ING1: variants seen among roughly 807,000 people sequenced by gnomAD.
The protein encoded by ING1 is inhibitor of growth protein 1.
In ING1, 4 loss-of-function variants were observed where a neutral mutation model predicts 23.1. That is an observed-to-expected ratio of 0.17 (90% CI 0.09 to 0.40). The LOEUF is 0.40. Ranked by LOEUF, ING1 falls within the 10% of genes least tolerant of loss-of-function variation. The pLI, the probability that ING1 is intolerant of heterozygous loss-of-function variation, is 1.00. For missense variants in ING1, 256 were observed against 393.8 expected, an observed-to-expected ratio of 0.65 and a Z score of 2.96; for synonymous variants, 179 against 166.4, an observed-to-expected ratio of 1.08 and a Z score of -0.58.
At chr13:110,712,910 C>T (rs763227180), upstream of ING1, 1 of 1,536,126 alleles carries the variant, frequency 6.5e-7, no homozygotes, top group Non-Finnish European at 8.8e-7. Flanking sequence ...AAAGGGAGGG[C>T]GGTGACGGAT....
chr13:110,712,887 C>T (rs775112565), upstream of ING1: 7 of 1,423,982 alleles, frequency 4.9e-6, no homozygotes, highest in South Asian at 4.9e-5. Flanking sequence ...AACTGAGTAC[C>T]GGGAGACGAC....
chr13:110,718,109 A>G (rs780623389), intron 1 of ING1, among the ~76,000 whole-genome samples: 2 of 152,246 alleles, frequency 1.3e-5, no homozygotes, highest in African/African-American at 4.8e-5. Context: ...ACATTTAAAT[A>G]CTGAAGAGGT....
rs1425864605 is a variant in ING1, at chr13:110,720,650, G to GGAAGT, written c.*720_*724dup. 2 of 167,172 alleles carry GGAAGT rather than the reference G, an allele frequency of 1.2e-5. No homozygotes were observed. The highest frequency in any genetic ancestry group is 4.8e-5 in the African/African-American group (2 of 41,566). The allele number at this position is 167,172 out of a possible 1,614,324, so 10.4% of individuals were successfully genotyped here. ...AACTTGCACTTGTTATATTATAATT[G>GGAAGT]GAAGTGCAGTCAGCAGATGCTGTTG... On this transcript the variant is annotated 3_prime_UTR_variant, in exon 2 of 2. Transcript: ENST00000333219.
rs56258926 is a variant in ING1 at position 110,719,019 on chromosome 13, T to TTTGTGTTGTGTTGTGTTGTGTTGTG, written c.137-199_137-175dup. 9.3e-4 allele frequency among the ~76,000 whole-genome samples: 138 copies of TTTGTGTTGTGTTGTGTTGTGTTGTG among 148,554 alleles called. No homozygotes were observed. The highest frequency in any genetic ancestry group is 3.2e-3 in the African/African-American group (126 of 39,912). The stretch of plus-strand genomic sequence containing the variant: ...TGCCGCTGTGGAAGCTGGGCCGGCA[T>TTTGTGTTGTGTTGTGTTGTGTTGTG]TTGTGTTGTGTTGTGTTGTGTTGTG... On this transcript the variant is annotated intron_variant, in intron 1 of 1. Coordinates refer to ENST00000333219, the MANE Select transcript of ING1 (RefSeq NM_198219.3). This position sits in a 1 kb window ranked among gnomAD's most constrained non-coding sequence, Gnocchi z 8.9.
chr13:110,713,009 T>C, upstream of ING1: 1 of 1,532,192 alleles, frequency 6.5e-7, no homozygotes, highest in Non-Finnish European at 8.8e-7. Flanking sequence ...CGGCCGCAGC[T>C]CAAAGGACAC....
At chr13:110,714,413 C>A in intron 1 of ING1, 128 bp downstream of exon 1, 1 of 893,850 alleles carries the variant, frequency 1.1e-6, no homozygotes, top group Non-Finnish European at 1.5e-6. Context: ...CGGCCCTCGG[C>A]AGGGGCAGGA....
Position 110,714,181 on chromosome 13 carries a change from A to G in ING1, c.32A>G (p.His11Arg), listed in dbSNP as rs764386790. 1 of 1,558,314 alleles carries G rather than the reference A, an allele frequency of 6.4e-7. No individual in the cohort carries two copies. The highest frequency in any genetic ancestry group is 1.2e-5 in the South Asian group (1 of 85,102). The stretch of plus-strand genomic sequence containing the variant: ...AGTCCTGCCAACGGGGAGCAGCTCC[A>G]CCTGGTGAACTATGTGGAGGACTAC... Reference protein sequence around the residue: MLSPANGEQLHLVNYVEDYLD... With the variant: MLSPANGEQLRLVNYVEDYLD... Residue 11 changes from histidine to arginine, a missense_variant, in exon 1 of 2, where the codon CAC (histidine) becomes CGC (arginine). Transcript: ENST00000333219.
Position 110,719,510 on chromosome 13 carries a change from G to T in ING1, c.418G>T (p.Ala140Ser), listed in dbSNP as rs770708003. 3.1e-6 allele frequency: 5 copies of T among 1,611,568 alleles called. No individual in the cohort carries two copies. The South Asian group carries it at 3.3e-5, about 11-fold the overall frequency. ...GADRPKGEAA[A>S]QADKPNSKRS... ...GGACAGGCCCAAAGGCGAGGCGGCA[G>T]CGCAGGCTGACAAGCCCAACAGCAA... The change falls in exon 2 of 2, where the codon GCG becomes TCG. Residue 140 changes from alanine (A) to serine (S), a missense_variant. By Grantham distance (99) the Ala-to-Ser change is moderately conservative. Transcript: ENST00000333219. This position sits in a 1 kb window ranked among gnomAD's most constrained non-coding sequence, Gnocchi z 8.9.
upstream of ING1, chr13:110,713,146 G>C (rs2064056736): frequency 7.0e-7 from 1 of 1,430,334 alleles, no homozygotes; most frequent in Admixed American, 2.9e-5. Context: ...CGGTCTCCCC[G>C]CCTCCTCTTC....
chr13:110,712,829 C>T (rs950871784), upstream of ING1: 4 of 943,816 alleles, frequency 4.2e-6, no homozygotes, highest in African/African-American at 4.8e-5. Flanking sequence ...GGGCTCGGCA[C>T]TAGGAAGCAG....
At chr13:110,714,600 C>T (rs1204391635) in intron 1 of ING1, among the ~76,000 whole-genome samples, 1 of 152,140 alleles carries the variant, frequency 6.6e-6, no homozygotes, top group African/African-American at 2.4e-5. Context: ...AAGCCGCGTC[C>T]TCTAGGAGGG....
intron 1 of ING1, among the ~76,000 whole-genome samples, chr13:110,718,665 T>C (rs1481576984): frequency 6.6e-6 from 1 of 152,084 alleles, no homozygotes; most frequent in African/African-American, 2.4e-5. Flanking sequence ...GATGTTGGTA[T>C]ATTAAAATAA....
In ING1 at chr13:110,714,157, G is replaced by A. The variant is rs1474680877; in HGVS notation, c.8G>A (p.Ser3Asn). The A allele has an allele frequency of 6.5e-7, 1 of 1,549,040 alleles. No homozygotes were observed. Among genetic ancestry groups the A allele is most frequent in the Admixed American group, 1.9e-5 (1 of 51,790 alleles). The stretch of plus-strand genomic sequence containing the variant: ...GGACCTCCGGGGTGAACCATGTTGA[G>A]TCCTGCCAACGGGGAGCAGCTCCAC... ML[S>N]PANGEQLHLV... Residue 3 changes from serine to asparagine, a missense_variant, in exon 1 of 2, where the codon AGT (serine) becomes AAT (asparagine). This residue lies in a region of ING1 where 209 missense variants were observed against 273.8 expected (regional missense o/e 0.76). Transcript: ENST00000333219.
chr13:110,716,368 C>G (rs1781503329), intron 1 of ING1, among the ~76,000 whole-genome samples: 1 of 152,120 alleles, frequency 6.6e-6, no homozygotes, highest in African/African-American at 2.4e-5. Context: ...CTGGGAGCGC[C>G]GAGAAGCGAG....
At chr13:110,715,549 TG>T in intron 1 of ING1, 1 of 1,614,174 alleles carries the variant, frequency 6.2e-7, no homozygotes, top group Non-Finnish European at 8.5e-7. Context: ...GTGTTTCCGC[TG>T]TCTTCTTTTT....
chr13:110,716,219 C>T (rs1201098055), intron 1 of ING1, among the ~76,000 whole-genome samples: 2 of 152,208 alleles, frequency 1.3e-5, no homozygotes, highest in Non-Finnish European at 2.9e-5. Flanking sequence ...CAGCAAAGTT[C>T]ATGGAGCCAC....
At position 110,719,500 on chromosome 13, in the gene ING1, C is replaced by T. The variant is rs147147802; in HGVS notation, c.408C>T (p.Gly136=). ...SGKAGADRPK[G]EAAAQADKPN... is the part of the protein sequence containing the mutation. Reference sequence around the variant, plus strand: ...AGGCTGGCGCGGACAGGCCCAAAGGCGAGGCGGCAGCGCAGGCTGACAAGC... The same window carrying T: ...AGGCTGGCGCGGACAGGCCCAAAGGTGAGGCGGCAGCGCAGGCTGACAAGC... Residue 136 remains glycine, a synonymous_variant, in exon 2 of 2, where the codon GGC becomes GGT. Transcript: ENST00000333219. This position sits in a 1 kb window ranked among gnomAD's most constrained non-coding sequence, Gnocchi z 8.9. 148 of 1,611,916 alleles carry T rather than the reference C, an allele frequency of 9.2e-5. No homozygotes were observed. The African/African-American group carries it at 1.3e-3, about 14-fold the overall frequency.
At chr13:110,717,958 T>G (rs2064138362) in intron 1 of ING1, among the ~76,000 whole-genome samples, 2 of 152,248 alleles carry the variant, frequency 1.3e-5, no homozygotes, top group African/African-American at 4.8e-5. Flanking sequence ...TTCTGTGTAT[T>G]TAAGTAGCCT....
chr13:110,714,381 G>A, intron 1 of ING1, 96 bp downstream of exon 1: 3 of 1,168,226 alleles, frequency 2.6e-6, no homozygotes, highest in Non-Finnish European at 3.3e-6. Context: ...TGGACCGGAG[G>A]AAGCGGCCGG....
Sources: allele counts gnomAD v4.1 joint callset (sites outside exome capture counted in the v4.1 genomes callset), GRCh38; gene constraint gnomAD v4.1.1; regional missense constraint gnomAD v4.1.1; non-coding constraint Gnocchi (gnomAD v3.1); transcripts MANE v1.5; gene names NCBI Gene and HGNC (gene_info 2026-07-23, HGNC 2026-07-21).